The following DLC1 variants were observed in gnomAD, a reference collection of about 807,000 sequenced individuals.
The protein encoded by DLC1 is rho GTPase-activating protein 7.
In DLC1, 54 loss-of-function variants were observed where a neutral mutation model predicts 140.3. That is an observed-to-expected ratio of 0.38 (90% CI 0.31 to 0.48). The LOEUF (loss-of-function observed/expected upper bound fraction) is 0.48, where lower values mean the gene tolerates loss of function less well. Ranked by LOEUF, DLC1 falls within the 20% of genes least tolerant of loss-of-function variation. The pLI is 0.96. For synonymous variants in DLC1, 986 were observed against 728.1 expected (o/e 1.35, Z -5.70); for missense variants, 2,536 against 1,907.0 (o/e 1.33, Z -6.14).
intron 16 of DLC1, among the ~76,000 whole-genome samples, chr8:13,087,033 T>C (rs1383750764): frequency 6.6e-6 from 1 of 152,040 alleles, no homozygotes; most frequent in Non-Finnish European, 1.5e-5. Flanking sequence ...TAAAAATGGC[T>C]TGAGGCTGCA....
At chr8:13,576,929 G>A (rs962609385) in intron 1 of DLC1, among the ~76,000 whole-genome samples, 2 of 151,892 alleles carry the variant, frequency 1.3e-5, no homozygotes, top group Middle Eastern at 3.2e-3. Flanking sequence ...GAACATATTA[G>A]TAATATCTCT....
chr8:13,180,062 G>A (rs556215007), intron 5 of DLC1, among the ~76,000 whole-genome samples: 2 of 152,250 alleles, frequency 1.3e-5, no homozygotes, highest in South Asian at 2.1e-4. Flanking sequence ...TGGTGGAATC[G>A]TATGTAGTAT....
intron 5 of DLC1, among the ~76,000 whole-genome samples, chr8:13,188,695 A>C (rs114726322): frequency 6.9e-6 from 1 of 144,734 alleles, no homozygotes; most frequent in African/African-American, 2.6e-5. Context: ...ACTTCGTCCA[A>C]CTGGGTTTCA....
chr8:13,279,454 T>C (rs978531957), intron 5 of DLC1, among the ~76,000 whole-genome samples: 12 of 152,198 alleles, frequency 7.9e-5, no homozygotes, highest in Non-Finnish European at 1.3e-4. Context: ...GGACTTTATG[T>C]TTTGTTTGTC....
At chr8:13,372,045 G>A (rs752382910) in intron 4 of DLC1, among the ~76,000 whole-genome samples, 1 of 152,036 alleles carries the variant, frequency 6.6e-6, no homozygotes, top group African/African-American at 2.4e-5. Context: ...AAAATAGATC[G>A]GGGCATCGTG....
rs181325674 is a variant in DLC1, at chr8:13,430,980, T to C, written c.1024-29361A>G. Among the ~76,000 whole-genome samples the C allele has an allele frequency of 7.5e-4, 114 of 152,266 alleles. 1 individual carries two copies. Among genetic ancestry groups the C allele is most frequent in the African/African-American group, 2.7e-3 (112 of 41,540 alleles). On this transcript the variant is annotated intron_variant, in intron 2 of 17. Coordinates refer to ENST00000276297, the MANE Select transcript of DLC1 (RefSeq NM_182643.3). ...AAGTCGCATGAAACATATTGAAAAA[T>C]TGAAAACAACAAATGAGAATAATCT...
chr8:13,140,865 A>C (rs886266438), intron 5 of DLC1, among the ~76,000 whole-genome samples: 1 of 152,074 alleles, frequency 6.6e-6, no homozygotes, highest in Non-Finnish European at 1.5e-5. Flanking sequence ...TTAGTTATAC[A>C]TTTTATTATG....
At chr8:13,353,431 A>G (rs1190428710) in intron 4 of DLC1, 1 of 152,018 alleles carries the variant, frequency 6.6e-6, no homozygotes, top group Admixed American at 6.6e-5. Flanking sequence ...TTGAGTAATG[A>G]TGACTAGAGT....
chr8:13,154,332 G>T (rs1311619715), intron 5 of DLC1, among the ~76,000 whole-genome samples: 1 of 152,218 alleles, frequency 6.6e-6, no homozygotes, highest in African/African-American at 2.4e-5. Context: ...CAGGTCGGGA[G>T]CCCTGCCCTG....
chr8:13,186,600 C>T (rs1163120058), intron 5 of DLC1, among the ~76,000 whole-genome samples: 2 of 152,160 alleles, frequency 1.3e-5, no homozygotes. Flanking sequence ...TGAACATCCT[C>T]CTTTAGCTCG....
chr8:13,171,375 G>A (rs1410700980), intron 5 of DLC1, among the ~76,000 whole-genome samples: 2 of 152,010 alleles, frequency 1.3e-5, no homozygotes, highest in African/African-American at 4.8e-5. Context: ...GATTCTGTAG[G>A]TGCCCTACTT....
intron 16 of DLC1, 114 bp downstream of exon 16, chr8:13,088,373 T>C (rs1817743809): frequency 2.4e-6 from 3 of 1,253,216 alleles, no homozygotes; most frequent in Non-Finnish European, 3.3e-6. Flanking sequence ...TGAGCCACCA[T>C]ATGCCCGGCC....
chr8:13,588,161 G>C (rs570479990), intron 1 of DLC1, among the ~76,000 whole-genome samples: 1 of 152,000 alleles, frequency 6.6e-6, no homozygotes, highest in Non-Finnish European at 1.5e-5. Flanking sequence ...ACTTTTGAAG[G>C]CCCGAAATTA....
intron 5 of DLC1, among the ~76,000 whole-genome samples, chr8:13,212,040 G>T (rs1827972052): frequency 6.6e-6 from 1 of 152,070 alleles, no homozygotes; most frequent in African/African-American, 2.4e-5. Context: ...GAAAGCAGCT[G>T]GTACTGTCCC....
At chr8:13,140,132 A>T (rs1286964429) in intron 5 of DLC1, among the ~76,000 whole-genome samples, 2 of 152,304 alleles carry the variant, frequency 1.3e-5, no homozygotes, top group East Asian at 3.9e-4. Context: ...GGTATGTCCT[A>T]TAGGCAGAAT....
At chr8:13,396,306 G>A (rs1173257552) in intron 3 of DLC1, among the ~76,000 whole-genome samples, 3 of 152,046 alleles carry the variant, frequency 2.0e-5, no homozygotes, top group Non-Finnish European at 4.4e-5. Flanking sequence ...TGATCCGTCC[G>A]TCTCAGCCTC....
chr8:13,086,322 G>T lies in DLC1; in HGVS notation c.4434C>A (p.Ser1478=). 6.2e-7 allele frequency: 1 copy of T among 1,614,228 alleles called. No individual in the cohort carries two copies. The highest frequency in any genetic ancestry group is 8.5e-7 in the Non-Finnish European group (1 of 1,180,042). ...CAACTCTGCACATGTAGGTGAGTTT[G>T]GATTTTCCTGGCCCACAGGGTTCAA... ...YLIEPCGPGK[S]KLTYMCRVDL... The change falls in exon 17 of 18, where the codon TCC becomes TCA. Residue 1478 remains serine, a synonymous_variant. Coordinates refer to ENST00000276297, the MANE Select transcript of DLC1 (RefSeq NM_182643.3).
chr8:13,403,949 A>T (rs1232628281), intron 2 of DLC1, among the ~76,000 whole-genome samples: 1 of 151,696 alleles, frequency 6.6e-6, no homozygotes, highest in Non-Finnish European at 1.5e-5. Context: ...TTCTTAATGC[A>T]TATTGTGAAT....
chr8:13,092,226 C>A (rs1047631757), intron 13 of DLC1, among the ~76,000 whole-genome samples: 1 of 152,176 alleles, frequency 6.6e-6, no homozygotes, highest in Non-Finnish European at 1.5e-5. Flanking sequence ...GCCTGGGCAA[C>A]AGAGCAAGAC....
Sources: allele counts gnomAD v4.1 joint callset (sites outside exome capture counted in the v4.1 genomes callset), GRCh38; gene constraint gnomAD v4.1.1; transcripts MANE v1.5; gene names NCBI Gene and HGNC (gene_info 2026-07-23, HGNC 2026-07-21).